RXFP2: variants seen among roughly 807,000 people sequenced by gnomAD.
RXFP2 encodes relaxin family peptide receptor 2.
RXFP2 carries 68 observed loss-of-function variants against 88.6 expected under a neutral mutation model. The ratio of observed to expected loss-of-function variants is 0.77; its 90% CI spans 0.63 to 0.94. The LOEUF is 0.94. Among genes scored for constraint, RXFP2 ranks in the 40% least tolerant of loss-of-function variants. The pLI, the probability that RXFP2 is intolerant of heterozygous loss-of-function variation, is 0.00. For missense variants in RXFP2, 791 were observed against 893.9 expected (o/e 0.88, Z 1.47); for synonymous variants, 329 against 306.8 (o/e 1.07, Z -0.76).
chr13:31,791,008 A>T (rs915129957), intron 14 of RXFP2, among the ~76,000 whole-genome samples: 1 of 152,206 alleles, frequency 6.6e-6, no homozygotes, highest in Non-Finnish European at 1.5e-5. Context: ...GAATTGAGAA[A>T]TAACAAAAAA....
intron 17 of RXFP2, 75 bp downstream of exon 17, chr13:31,797,494 T>C (rs1874114567): frequency 9.9e-7 from 1 of 1,009,460 alleles, no homozygotes; most frequent in Non-Finnish European, 1.6e-6. Context: ...GGCCAGAGTC[T>C]AGGACACATA....
intron 11 of RXFP2, among the ~76,000 whole-genome samples, chr13:31,783,236 G>GA (rs1873371917): frequency 6.6e-6 from 1 of 152,148 alleles, no homozygotes; most frequent in African/African-American, 2.4e-5. Context: ...TAGGCTCACG[G>GA]AAAAAATATT....
At chr13:31,741,036 C>T (rs917130714) in intron 1 of RXFP2, among the ~76,000 whole-genome samples, 4 of 152,032 alleles carry the variant, frequency 2.6e-5, no homozygotes, top group Non-Finnish European at 5.9e-5. Context: ...GGGACTATAA[C>T]CACAGTTTAA....
At chr13:31,797,116 G>A in intron 16 of RXFP2, 85 bp from the exon 17 acceptor site, 1 of 929,932 alleles carries the variant, frequency 1.1e-6, no homozygotes, top group Non-Finnish European at 1.8e-6. Flanking sequence ...CAAACATTTT[G>A]GGTAAGGGAT....
At chr13:31,778,482 A>C in intron 8 of RXFP2, 30 bp from the exon 9 acceptor site, 1 of 1,452,566 alleles carries the variant, frequency 6.9e-7, no homozygotes, top group Non-Finnish European at 9.7e-7. Flanking sequence ...ATATCATTTT[A>C]TTTCTAATTA....
intron 7 of RXFP2, among the ~76,000 whole-genome samples, chr13:31,776,102 T>TTTTCTTTC (rs71099993): frequency 0.11 from 12,604 of 109,672 alleles, 839 homozygotes; most frequent in Admixed American, 0.15. Context: ...CTTTCTTTTC[T>TTTTCTTTC]TTTCTTTCTT....
At chr13:31,761,241 G>A (rs766252940) in intron 2 of RXFP2, among the ~76,000 whole-genome samples, 5 of 151,980 alleles carry the variant, frequency 3.3e-5, no homozygotes, top group Non-Finnish European at 7.4e-5. Context: ...GACGAGTGCC[G>A]CTGCACCCAG....
intron 16 of RXFP2, among the ~76,000 whole-genome samples, chr13:31,795,601 C>G (rs943013926): frequency 6.6e-6 from 1 of 152,118 alleles, no homozygotes; most frequent in Non-Finnish European, 1.5e-5. Flanking sequence ...TACCGTATGG[C>G]TTTATACTAT....
At chr13:31,742,739 T>C (rs1429858824) in intron 1 of RXFP2, among the ~76,000 whole-genome samples, 1 of 152,168 alleles carries the variant, frequency 6.6e-6, no homozygotes, top group Non-Finnish European at 1.5e-5. Context: ...TTCTAATAGG[T>C]TGGTATCGAA....
At chr13:31,762,560 G>A (rs1593453539) in intron 3 of RXFP2, among the ~76,000 whole-genome samples, 2 of 152,046 alleles carry the variant, frequency 1.3e-5, no homozygotes, top group Admixed American at 1.3e-4. Flanking sequence ...AGAATTTTTG[G>A]GGTGTGTGTG....
intron 1 of RXFP2, among the ~76,000 whole-genome samples, chr13:31,755,094 A>C (rs1871876348): frequency 6.6e-6 from 1 of 152,188 alleles, no homozygotes; most frequent in African/African-American, 2.4e-5. Flanking sequence ...ATTCTACTAT[A>C]AATGTGAGGA....
intron 5 of RXFP2, 48 bp downstream of exon 5, chr13:31,766,075 G>T (rs780073088): frequency 2.2e-6 from 2 of 907,476 alleles, no homozygotes; most frequent in Non-Finnish European, 3.6e-6. Context: ...TCCTCGTGGT[G>T]GTGTAAGATG....
chr13:31,788,150 A>AG (rs71099994), intron 13 of RXFP2, among the ~76,000 whole-genome samples: 1 of 151,510 alleles, frequency 6.6e-6, no homozygotes, highest in African/African-American at 2.4e-5. Context: ...AAAAAAAAAA[A>AG]GGAAAATTAA....
At chr13:31,786,345 C>A (rs1173594994) in intron 11 of RXFP2, 38 bp from the exon 12 acceptor site, 2 of 1,371,274 alleles carry the variant, frequency 1.5e-6, no homozygotes, top group East Asian at 2.3e-5. Flanking sequence ...TCATTTACTT[C>A]CAAAGTAATT....
At chr13:31,743,389 A>G (rs1442419728) in intron 1 of RXFP2, among the ~76,000 whole-genome samples, 4 of 151,842 alleles carry the variant, frequency 2.6e-5, no homozygotes, top group Non-Finnish European at 4.4e-5. Flanking sequence ...GATTGCTTGA[A>G]CCTGAGAGGC....
intron 1 of RXFP2, among the ~76,000 whole-genome samples, chr13:31,751,061 G>A (rs1399440851): frequency 3.3e-5 from 5 of 152,118 alleles, no homozygotes; most frequent in Non-Finnish European, 7.4e-5. Flanking sequence ...AGGCTGAGGT[G>A]GGTGGATCAT....
intron 6 of RXFP2, 39 bp from the exon 7 acceptor site, chr13:31,775,279 A>G (rs1872895019): frequency 7.0e-7 from 1 of 1,430,318 alleles, no homozygotes; most frequent in African/African-American, 1.4e-5. Flanking sequence ...AAAATAGGGT[A>G]TTGAGTTTGC....
At chr13:31,755,381 G>T (rs1046395795) in intron 1 of RXFP2, among the ~76,000 whole-genome samples, 1 of 152,088 alleles carries the variant, frequency 6.6e-6, no homozygotes, top group Non-Finnish European at 1.5e-5. Flanking sequence ...TTATGTGGAT[G>T]TGGGTGTGGG....
chr13:31,794,050 G>A (rs1873914772), intron 16 of RXFP2, among the ~76,000 whole-genome samples: 1 of 152,124 alleles, frequency 6.6e-6, no homozygotes, highest in Non-Finnish European at 1.5e-5. Context: ...TCCACTCAGA[G>A]ACCTTCAGTG....
Sources: gnomAD v4.1 joint callset for allele counts (sites outside exome capture counted in the v4.1 genomes callset) on GRCh38, gnomAD v4.1.1 for gene constraint, MANE v1.5 for transcripts, NCBI Gene and HGNC (gene_info 2026-07-23, HGNC 2026-07-21) for gene names.